The following LRRC7 variants were observed in gnomAD, a reference collection of about 807,000 sequenced individuals.
LRRC7 encodes the protein leucine-rich repeat-containing protein 7.
Under a neutral mutation model 175.7 loss-of-function variants are expected in LRRC7, and 23 were observed. The observed-to-expected ratio is 0.13, with a 90% confidence interval of 0.09 to 0.19. The LOEUF is 0.19. Ranked by LOEUF, LRRC7 falls within the 10% of genes least tolerant of loss-of-function variation. LRRC7 has a pLI of 1.00. For synonymous variants in LRRC7, 685 were observed against 680.9 expected, an observed-to-expected ratio of 1.01 and a Z score of -0.09; for missense variants, 1,354 against 1,904.7, an observed-to-expected ratio of 0.71 and a Z score of 5.38.
At chr1:70,097,501 T>G (rs1055003478) in intron 25 of LRRC7, among the ~76,000 whole-genome samples, 1 of 152,166 alleles carries the variant, frequency 6.6e-6, no homozygotes, top group African/African-American at 2.4e-5. Flanking sequence ...AGGGTACATG[T>G]GCACATTGTT....
intron 18 of LRRC7, among the ~76,000 whole-genome samples, chr1:70,030,136 A>T (rs1438287552): frequency 2.0e-5 from 3 of 152,164 alleles, no homozygotes; most frequent in Non-Finnish European, 2.9e-5. Context: ...CTATAAAAAA[A>T]TACCCACTTT....
rs1480512981 is a variant in LRRC7, at chr1:70,078,464, A to AT, written c.4452+2168dup. Among the ~76,000 whole-genome samples, 4 of 152,290 alleles carry AT rather than the reference A, an allele frequency of 2.6e-5. No individual in the cohort carries two copies. In the East Asian group the frequency reaches 7.7e-4, roughly 29 times the overall value. On this transcript the variant is annotated intron_variant, in intron 24 of 26. Coordinates refer to ENST00000651989, the MANE Select transcript of LRRC7 (RefSeq NM_001370785.2). Reference sequence around the variant, plus strand: ...CCAGGAACATCAGCAAACACTCCAAATTAGGGCACTCTCCAAACCCCAACC... The same window carrying AT: ...CCAGGAACATCAGCAAACACTCCAAATTTAGGGCACTCTCCAAACCCCAACC...
intron 26 of LRRC7, among the ~76,000 whole-genome samples, chr1:70,111,343 G>C (rs1424034316): frequency 6.6e-6 from 1 of 152,054 alleles, no homozygotes; most frequent in Non-Finnish European, 1.5e-5. Flanking sequence ...TCATTTTTCT[G>C]TTGTACTATT....
At chr1:69,962,248 A>G (rs962262604) in intron 8 of LRRC7, among the ~76,000 whole-genome samples, 3 of 152,262 alleles carry the variant, frequency 2.0e-5, no homozygotes, top group African/African-American at 4.8e-5. Context: ...ATCACTGATT[A>G]TTAAAGAAAT....
chr1:69,595,326 A>G (rs929511187), intron 1 of LRRC7, among the ~76,000 whole-genome samples: 3 of 152,222 alleles, frequency 2.0e-5, no homozygotes, highest in East Asian at 1.9e-4. Flanking sequence ...AGGCTGAGGC[A>G]GGAGAATCGC....
chr1:69,991,155 CAA>C (rs10709966), intron 10 of LRRC7, among the ~76,000 whole-genome samples: 236 of 135,338 alleles, frequency 1.7e-3, no homozygotes, highest in Middle Eastern at 3.7e-3. Context: ...GACCTTTTAT[CAA>C]AAAAAAAAAA....
At chr1:69,769,613 T>A (rs1672000185) in intron 3 of LRRC7, among the ~76,000 whole-genome samples, 1 of 152,158 alleles carries the variant, frequency 6.6e-6, no homozygotes, top group African/African-American at 2.4e-5. Context: ...AGATATCTCA[T>A]TATGTATATG....
At chr1:69,741,986 C>T (rs2100859572) in intron 2 of LRRC7, among the ~76,000 whole-genome samples, 1 of 152,028 alleles carries the variant, frequency 6.6e-6, no homozygotes, top group South Asian at 2.1e-4. Context: ...GAAAGTGGCA[C>T]TGAGATTTAC....
chr1:69,585,944 A>T (rs558694471), intron 1 of LRRC7, among the ~76,000 whole-genome samples: 72 of 152,320 alleles, frequency 4.7e-4, no homozygotes, highest in African/African-American at 1.7e-3. Flanking sequence ...TCATAGACGA[A>T]ATCAGCTACT....
Position 70,045,392 on chromosome 1 carries a change from C to T in LRRC7, c.4110+1298C>T, listed in dbSNP as rs1280186962. ...CTGAACTTAGAATTGGGAAGATTCA[C>T]GTGCAGTTGACTCTCATGAGCCAAT... On this transcript the variant is annotated intron_variant, in intron 22 of 26. Coordinates refer to ENST00000651989, the MANE Select transcript of LRRC7 (RefSeq NM_001370785.2). Among the ~76,000 whole-genome samples, 5 of 152,040 alleles carry T rather than the reference C, an allele frequency of 3.3e-5. No individual in the cohort carries two copies. The East Asian group carries it at 5.8e-4, about 18-fold the overall frequency.
chr1:70,073,409 C>T lies in LRRC7; in HGVS notation c.4231-2668C>T, dbSNP rs140609206. Among the ~76,000 whole-genome samples the T allele has an allele frequency of 3.1e-3, 476 of 152,166 alleles. 3 individuals carry two copies. The highest frequency in any genetic ancestry group is 0.011 in the African/African-American group (441 of 41,508). ...AAGGCTGCAGTGAGCTGTGATCACA[C>T]CACTGTACTCCAGCCCGGGCGACAG... On this transcript the variant is annotated intron_variant, in intron 23 of 26. Coordinates refer to ENST00000651989, the MANE Select transcript of LRRC7 (RefSeq NM_001370785.2).
At chr1:69,776,048 G>A (rs1362845186) in intron 3 of LRRC7, among the ~76,000 whole-genome samples, 1 of 152,134 alleles carries the variant, frequency 6.6e-6, no homozygotes, top group Non-Finnish European at 1.5e-5. Context: ...TGAAAAGTCT[G>A]GGGTAGGGAA....
At chr1:69,647,271 C>G (rs917337986) in intron 1 of LRRC7, among the ~76,000 whole-genome samples, 2 of 152,132 alleles carry the variant, frequency 1.3e-5, no homozygotes, top group Non-Finnish European at 1.5e-5. Flanking sequence ...ATTCTACTTT[C>G]CTACCAGATT....
intron 7 of LRRC7, among the ~76,000 whole-genome samples, chr1:69,877,338 A>T (rs1012978748): frequency 2.0e-5 from 3 of 152,256 alleles, no homozygotes; most frequent in Non-Finnish European, 2.9e-5. Context: ...CTATAATCCC[A>T]TTGCTTTGAG....
intron 8 of LRRC7, among the ~76,000 whole-genome samples, chr1:69,943,433 G>C (rs1648948250): frequency 6.6e-6 from 1 of 152,056 alleles, no homozygotes; most frequent in South Asian, 2.1e-4. Flanking sequence ...CAGTAGATTG[G>C]TGCTTTCCAG....
chr1:69,766,180 C>T (rs1417442), intron 3 of LRRC7, among the ~76,000 whole-genome samples: 151,782 of 152,256 alleles, frequency 1, 75,658 homozygotes, highest in Non-Finnish European at 1. Context: ...ATGACAACTT[C>T]GCATACAGAG....
At chr1:69,648,082 A>G (rs1655258667) in intron 1 of LRRC7, among the ~76,000 whole-genome samples, 1 of 152,162 alleles carries the variant, frequency 6.6e-6, no homozygotes, top group Non-Finnish European at 1.5e-5. Flanking sequence ...TTCAATTTTA[A>G]TGATTCAACC....
chr1:69,661,288 A>G (rs946742616), intron 1 of LRRC7, among the ~76,000 whole-genome samples: 27 of 152,272 alleles, frequency 1.8e-4, no homozygotes, highest in African/African-American at 5.3e-4. Context: ...CCAAGAACCT[A>G]TCTTCCTAAA....
chr1:69,803,940 C>T (rs984394418), intron 4 of LRRC7, among the ~76,000 whole-genome samples: 2 of 151,244 alleles, frequency 1.3e-5, no homozygotes, highest in Non-Finnish European at 3.0e-5. Context: ...CTTTATTAAT[C>T]TCTCAAATAG....
Sources: allele counts gnomAD v4.1 joint callset (sites outside exome capture counted in the v4.1 genomes callset), GRCh38; gene constraint gnomAD v4.1.1; transcripts MANE v1.5; gene names NCBI Gene and HGNC (gene_info 2026-07-23, HGNC 2026-07-21).